Variants in RECQL4 observed in about 807,000 individuals in gnomAD.
RECQL4 encodes ATP-dependent DNA helicase Q4.
Under a neutral mutation model 128.6 loss-of-function variants are expected in RECQL4, and 158 were observed. That is an observed-to-expected ratio of 1.23 (90% CI 1.08 to 1.40). The LOEUF (loss-of-function observed/expected upper bound fraction) is 1.40, where lower values mean the gene tolerates loss of function less well. Among genes scored for constraint, RECQL4 ranks in the 40% most tolerant of loss-of-function variants. The probability of loss-of-function intolerance (pLI) is 0.00; values close to 1 mark genes in which losing one functional copy is unlikely to be tolerated. For synonymous variants in RECQL4, 996 were observed against 678.9 expected (o/e 1.47, Z -7.26); for missense variants, 2,293 against 1,649.8 (o/e 1.39, Z -6.75).
intron 6 of RECQL4, 52 bp downstream of exon 6, chr8:144,515,712 G>A (rs1183636667): frequency 8.8e-6 from 14 of 1,596,824 alleles, no homozygotes; most frequent in Admixed American, 3.4e-5. Context: ...AAAGAGCACT[G>A]CGCCCTCTCC....
chr8:144,514,281 G>A lies in RECQL4; in HGVS notation c.1786C>T (p.Leu596=), dbSNP rs2130695683. Residue 596 remains leucine, a synonymous_variant, in exon 11 of 21, where the codon CTG becomes TTG. Coordinates refer to ENST00000617875, the MANE Select transcript of RECQL4 (RefSeq NM_004260.4). ...ATGCAGGCAAAAGCAACTGGAGGCAGCTGTGCGGCTGGAGGGAGGCCTCCC... is the reference window on the plus strand; with the variant it reads ...ATGCAGGCAAAAGCAACTGGAGGCAACTGTGCGGCTGGAGGGAGGCCTCCC... The part of the protein sequence containing the change: ...GAGGLPPAAQ[L]PPVAFACIDE... The A allele has an allele frequency of 6.2e-7, 1 of 1,611,786 alleles. No homozygotes were observed. Among genetic ancestry groups the A allele is most frequent in the Non-Finnish European group, 8.5e-7 (1 of 1,179,568 alleles).
At chr8:144,517,575 G>A (rs759076288) in intron 2 of RECQL4, 27 bp downstream of exon 2, 1 of 1,479,050 alleles carries the variant, frequency 6.8e-7, no homozygotes, top group Admixed American at 2.4e-5. Context: ...GTGTCTTCTC[G>A]CCCCCGCCGC....
chr8:144,514,021 G>A lies in RECQL4; in HGVS notation c.1965C>T (p.His655=), dbSNP rs1060504209. 4.5e-6 allele frequency: 7 copies of A among 1,572,758 alleles called. No homozygotes were observed. Among genetic ancestry groups the A allele is most frequent in the Non-Finnish European group, 6.0e-6 (7 of 1,160,098 alleles). Reference sequence around the variant, plus strand: ...GGTCAGGCTCTTCAGCCACAGCCAGGTGCTGTGCCACGTCACTGGCAGTGC... The same window carrying A: ...GGTCAGGCTCTTCAGCCACAGCCAGATGCTGTGCCACGTCACTGGCAGTGC... The part of the protein sequence containing the change: ...TRRTASDVAQ[H]LAVAEEPDLH... Residue 655 remains histidine (H), a synonymous_variant, in exon 12 of 21, where the codon CAC becomes CAT. Transcript: ENST00000617875.
In RECQL4 at chr8:144,513,252, T is replaced by G; in HGVS notation, c.2429A>C (p.Gln810Pro). The change falls in exon 14 of 21, where the codon CAG (glutamine) becomes CCG (proline). Residue 810 changes from glutamine to proline, a missense_variant. By Grantham distance (76) the Gln-to-Pro change is moderately conservative. Transcript: ENST00000617875. The stretch of plus-strand genomic sequence containing the variant: ...CAGGAAGAGGTGGCAGTGGGCAGGC[T>G]GCCCGTCACGCCCGGCCCGGCCCAC... ...QAVGRAGRDGQPAHCHLFLQP... is the reference protein window; with the variant it reads ...QAVGRAGRDGPPAHCHLFLQP... 1 of 1,589,394 alleles carries G rather than the reference T, an allele frequency of 6.3e-7. No individual in the cohort carries two copies. The highest frequency in any genetic ancestry group is 8.5e-7 in the Non-Finnish European group (1 of 1,173,678).
chr8:144,512,614 C>T (rs770655093), intron 16 of RECQL4, 28 bp downstream of exon 16: 34 of 1,611,716 alleles, frequency 2.1e-5, no homozygotes, highest in Admixed American at 1.0e-4. Flanking sequence ...TCTCCAACCT[C>T]GTCTCCAACT....
At chr8:144,512,585 T>C (rs1489653183) in intron 16 of RECQL4, 24 bp from the exon 17 acceptor site, 7 of 1,612,080 alleles carry the variant, frequency 4.3e-6, no homozygotes, top group South Asian at 3.3e-5. Context: ...AAAAGGGACA[T>C]GTGGCCAACA....
rs776146178 is a variant in RECQL4, at chr8:144,511,526, C to G, written c.3532G>C (p.Gly1178Arg). 6.2e-7 allele frequency: 1 copy of G among 1,612,538 alleles called. No homozygotes were observed. Among genetic ancestry groups the G allele is most frequent in the Non-Finnish European group, 8.5e-7 (1 of 1,179,762 alleles). ...TTTCTCCAGAAGCGTCGGTCCTGCC[C>G]GTACACCTGGGCCGGGTAGCAGGGG... ...GSPCYPAQVY[G>R]QDRRFWRKYL... The change falls in exon 21 of 21, where the codon GGG (glycine) becomes CGG (arginine). Residue 1178 changes from glycine to arginine, a missense_variant. Coordinates refer to ENST00000617875, the MANE Select transcript of RECQL4 (RefSeq NM_004260.4).
chr8:144,513,942 T>C lies in RECQL4; in HGVS notation c.2044A>G (p.Arg682Gly), dbSNP rs1455596790. ...CACACACCCACCTGGTCTGTGTCCCTGTCCATGGACACGGAAAGGTGCAGG... is the reference window on the plus strand; with the variant it reads ...CACACACCCACCTGGTCTGTGTCCCCGTCCATGGACACGGAAAGGTGCAGG... Reference protein sequence around the residue: ...TNLHLSVSMDRDTDQALLTLL... With the variant: ...TNLHLSVSMDGDTDQALLTLL... Residue 682 changes from arginine to glycine, a missense_variant, in exon 12 of 21, where the codon AGG (arginine) becomes GGG (glycine). Transcript: ENST00000617875. The C allele has an allele frequency of 5.8e-6, 9 of 1,553,184 alleles. No individual in the cohort carries two copies. Among genetic ancestry groups the C allele is most frequent in the South Asian group, 1.2e-5 (1 of 84,512 alleles).
Position 144,512,977 on chromosome 8 carries a change from G to C in RECQL4, c.2625C>G (p.Pro875=). The change falls in exon 15 of 21, where the codon CCC becomes CCG. Residue 875 remains proline, a synonymous_variant. Coordinates refer to ENST00000617875, the MANE Select transcript of RECQL4 (RefSeq NM_004260.4). The part of the protein sequence containing the change: ...EGAVGGERPV[P]KYPPQEAEQL... ...GCTCAGCCTCTTGAGGGGGGTACTT[G>C]GGCACAGGCCTCTCCCCACCCACGG... The C allele has an allele frequency of 6.4e-7, 1 of 1,570,530 alleles. No individual in the cohort carries two copies. Among genetic ancestry groups the C allele is most frequent in the Non-Finnish European group, 8.6e-7 (1 of 1,158,352 alleles).
At position 144,512,894 on chromosome 8, in the gene RECQL4, G is replaced by A. The variant is rs150308387; in HGVS notation, c.2708C>T (p.Ala903Val). 3 of 1,592,100 alleles carry A rather than the reference G, an allele frequency of 1.9e-6. No homozygotes were observed. The highest frequency in any genetic ancestry group is 2.6e-6 in the Non-Finnish European group (3 of 1,169,338). ...PRRVCMGHERALPIQLTVQAL... is the reference protein window; with the variant it reads ...PRRVCMGHERVLPIQLTVQAL... ...CTGTACGGTAAGCTGTATTGGGAGT[G>A]CCCGCTCATGGCCCATGCAGACCCT... Residue 903 changes from alanine (A) to valine (V), a missense_variant, in exon 15 of 21, where the codon GCA becomes GTA. Transcript: ENST00000617875.
chr8:144,514,777 G>A (rs955823572), intron 9 of RECQL4, among the ~76,000 whole-genome samples, 159 bp downstream of exon 9: 2 of 152,222 alleles, frequency 1.3e-5, no homozygotes, highest in East Asian at 1.9e-4. Flanking sequence ...CTGTGGAGCT[G>A]GGCTGCCTTT....
rs753361853 is a variant in RECQL4 at position 144,516,583 on chromosome 8, A to G, written c.536T>C (p.Leu179Pro). ...ATCTAGGGAGCCCAGCCGCTGGCTCAGGGATGCCTGCAGATGCTGGAGCCG... is the reference window on the plus strand; with the variant it reads ...ATCTAGGGAGCCCAGCCGCTGGCTCGGGGATGCCTGCAGATGCTGGAGCCG... ...PGRLQHLQAS[L>P]SQRLGSLDPG... Residue 179 changes from leucine (L) to proline (P), a missense_variant, in exon 5 of 21, where the codon CTG becomes CCG. Leu to Pro is a moderately conservative substitution (Grantham distance 98). Coordinates refer to ENST00000617875, the MANE Select transcript of RECQL4 (RefSeq NM_004260.4). The G allele has an allele frequency of 6.2e-7, 1 of 1,609,978 alleles. No individual in the cohort carries two copies. Among genetic ancestry groups the G allele is most frequent in the Non-Finnish European group, 8.5e-7 (1 of 1,178,744 alleles).
At position 144,512,564 on chromosome 8, in the gene RECQL4, G is replaced by A; in HGVS notation, c.2886-3C>T. 1 of 1,612,452 alleles carries A rather than the reference G, an allele frequency of 6.2e-7. No homozygotes were observed. The highest frequency in any genetic ancestry group is 1.1e-5 in the South Asian group (1 of 91,088). On this transcript the variant is annotated splice_region_variant and splice_polypyrimidine_tract_variant and intron_variant, in intron 16 of 20. Coordinates refer to ENST00000617875, the MANE Select transcript of RECQL4 (RefSeq NM_004260.4). ...AGCACACAGCCAAAGGGGGACACCTGTGCCCAGGGAAAAAGGGACATGTGG... is the reference window on the plus strand; with the variant it reads ...AGCACACAGCCAAAGGGGGACACCTATGCCCAGGGAAAAAGGGACATGTGG...
chr8:144,514,807 G>A (rs1472763105), intron 9 of RECQL4, 129 bp downstream of exon 9: 23 of 1,189,794 alleles, frequency 1.9e-5, no homozygotes, highest in South Asian at 4.3e-5. Flanking sequence ...CCAAGACTGG[G>A]ACTGAGGCCA....
At chr8:144,515,668 G>C (rs1201442528) in intron 6 of RECQL4, 96 bp downstream of exon 6, 1 of 1,513,768 alleles carries the variant, frequency 6.6e-7, no homozygotes, top group East Asian at 2.4e-5. Context: ...GGGGTACCTG[G>C]AAGGCCTGTT....
In RECQL4 at chr8:144,514,958, A is replaced by T. The variant is rs986491410; in HGVS notation, c.1598T>A (p.Leu533Gln). 1 of 1,611,606 alleles carries T rather than the reference A, an allele frequency of 6.2e-7. No homozygotes were observed. Among genetic ancestry groups the T allele is most frequent in the Non-Finnish European group, 8.5e-7 (1 of 1,179,528 alleles). The change falls in exon 9 of 21, where the codon CTG becomes CAG. Residue 533 changes from leucine to glutamine, a missense_variant. Leu to Gln is a moderately radical substitution (Grantham distance 113, BLOSUM62 -2). Transcript: ENST00000617875. ...CACCTGGTCATCCATGAGTGACAGC[A>T]GGGGAGAGACGACCAACGTGAGGCA... Reference protein sequence around the residue: ...SPCLTLVVSPLLSLMDDQVSG... With the variant: ...SPCLTLVVSPQLSLMDDQVSG...
chr8:144,514,635 AC>A, intron 9 of RECQL4, 110 bp from the exon 10 acceptor site: 2 of 1,194,192 alleles, frequency 1.7e-6, no homozygotes, highest in South Asian at 1.5e-5. Flanking sequence ...GGAGAGGAGA[AC>A]CAGGTCCTGG....
rs1164917814 is a variant in RECQL4, at chr8:144,513,393, C to T, written c.2288G>A (p.Gly763Asp). The T allele has an allele frequency of 3.1e-6, 5 of 1,608,330 alleles. No individual in the cohort carries two copies. Among genetic ancestry groups the T allele is most frequent in the East Asian group, 4.5e-5 (2 of 44,886 alleles). Residue 763 changes from glycine to aspartate, a missense_variant, in exon 14 of 21, where the codon GGC (glycine) becomes GAC (aspartate). Physicochemically the swap from Gly to Asp is moderately conservative, Grantham distance 94. Coordinates refer to ENST00000617875, the MANE Select transcript of RECQL4 (RefSeq NM_004260.4). ...RRRVQRAFMQGQLRVVVATVA... is the reference protein window; with the variant it reads ...RRRVQRAFMQDQLRVVVATVA... ...CGTGGCCACCACCACCCGCAACTGG[C>T]CCTGCATGAAGGCTCGCTGTACCCG...
chr8:144,513,066 C>T lies in RECQL4; in HGVS notation c.2536G>A (p.Val846Ile), dbSNP rs1827557017. The T allele has an allele frequency of 3.8e-6, 6 of 1,577,780 alleles. No individual in the cohort carries two copies. Among genetic ancestry groups the T allele is most frequent in the Non-Finnish European group, 5.2e-6 (6 of 1,160,914 alleles). Residue 846 changes from valine (V) to isoleucine (I), a missense_variant, in exon 15 of 21, where the codon GTA (valine) becomes ATA (isoleucine). Val to Ile is a conservative substitution (Grantham distance 29). Transcript: ENST00000617875. The stretch of plus-strand genomic sequence containing the variant: ...GTGCAGGCTGGGAACACGCGCTGTA[C>T]CAGCCTCTTCACAGCCAGGAAGTCC... ...STDFLAVKRL[V>I]QRVFPACTCT...
Sources: gnomAD v4.1 joint callset for allele counts (sites outside exome capture counted in the v4.1 genomes callset) on GRCh38, gnomAD v4.1.1 for gene constraint, MANE v1.5 for transcripts, NCBI Gene and HGNC (gene_info 2026-07-23, HGNC 2026-07-21) for gene names.